Variants in NECTIN1 observed in about 807,000 individuals in gnomAD.
NECTIN1 encodes the protein nectin cell adhesion molecule 1.
In NECTIN1, 23 loss-of-function variants were observed where a neutral mutation model predicts 48.0. The observed-to-expected ratio is 0.48, with a 90% CI of 0.34 to 0.68. NECTIN1 has a LOEUF of 0.68. Among genes scored for constraint, NECTIN1 ranks in the 30% least tolerant of loss-of-function variants. NECTIN1 has a pLI of 0.01. For missense variants in NECTIN1, 591 were observed against 709.9 expected, an observed-to-expected ratio of 0.83 and a Z score of 1.90; for synonymous variants, 270 against 288.9, an observed-to-expected ratio of 0.93 and a Z score of 0.66.
chr11:119,694,816 G>A (rs1865314169), intron 1 of NECTIN1, among the ~76,000 whole-genome samples: 2 of 152,134 alleles, frequency 1.3e-5, no homozygotes, highest in Non-Finnish European at 2.9e-5. Context: ...CAGGTGTCCT[G>A]CTGCCCCCCC....
chr11:119,639,986 C>T, exon 6 of NECTIN1: 3 of 1,613,768 alleles, frequency 1.9e-6, no homozygotes, highest in Non-Finnish European at 2.5e-6. Flanking sequence ...GCTGCACTTC[C>T]CAGACCCCTC....
chr11:119,699,121 C>A (rs1425719050), intron 1 of NECTIN1, among the ~76,000 whole-genome samples: 2 of 152,192 alleles, frequency 1.3e-5, no homozygotes, highest in Non-Finnish European at 2.9e-5. Flanking sequence ...CTGCAAAGAG[C>A]TAGGATCATC....
chr11:119,660,951 C>G, downstream of NECTIN1: 1 of 923,072 alleles, frequency 1.1e-6, no homozygotes, highest in Non-Finnish European at 1.3e-6. Context: ...CTTCCCCGCC[C>G]CCACTGCCAT....
intron 1 of NECTIN1, among the ~76,000 whole-genome samples, chr11:119,691,829 G>T (rs921125580): frequency 6.6e-6 from 1 of 152,160 alleles, no homozygotes; most frequent in Non-Finnish European, 1.5e-5. Flanking sequence ...GAGCCCTCCT[G>T]CCTGGCCTGC....
intron 1 of NECTIN1, among the ~76,000 whole-genome samples, chr11:119,694,038 C>G (rs1272541617): frequency 6.6e-6 from 1 of 152,166 alleles, no homozygotes; most frequent in African/African-American, 2.4e-5. Context: ...GTCAAAGGGA[C>G]AGGGAACTCA....
chr11:119,663,305 G>T lies in NECTIN1; in HGVS notation c.*1442C>A. The T allele has an allele frequency of 7.1e-6, 7 of 985,534 alleles. No individual in the cohort carries two copies. Among genetic ancestry groups the T allele is most frequent in the Non-Finnish European group, 8.4e-6 (7 of 830,004 alleles). The allele number at this position is 985,534 out of a possible 1,614,324, so 61.0% of individuals were successfully genotyped here. On this transcript the variant is annotated 3_prime_UTR_variant, in exon 6 of 6. Transcript: ENST00000264025. ...GGCACTTTGAGCTGGGGGACTGAGA[G>T]GGCTGGGAGGGGTCTTCCTCCATTA...
In NECTIN1 at chr11:119,664,067, G is replaced by C. The variant is rs1252578858; in HGVS notation, c.*680C>G. The C allele has an allele frequency of 5.1e-6, 5 of 985,576 alleles. No homozygotes were observed. The highest frequency in any genetic ancestry group is 6.0e-6 in the Non-Finnish European group (5 of 830,134). The allele number at this position is 985,576 out of a possible 1,614,324, so 61.1% of individuals were successfully genotyped here. On this transcript the variant is annotated 3_prime_UTR_variant, in exon 6 of 6. Transcript: ENST00000264025. ...TAAAGAGGGGACGCGTCAGAGCTAGGCCAACTCCACTCTCTGTGGGCCAAT... is the reference window on the plus strand; with the variant it reads ...TAAAGAGGGGACGCGTCAGAGCTAGCCCAACTCCACTCTCTGTGGGCCAAT...
Position 119,678,414 on chromosome 11 carries a change from C to A in NECTIN1, c.430+1G>T, listed in dbSNP as rs1173185243. On this transcript the variant is annotated splice_donor_variant, in intron 2 of 5. Transcript: ENST00000264025. LOFTEE classifies it high-confidence loss of function. This position sits in a 1 kb window ranked among gnomAD's most constrained non-coding sequence, Gnocchi z 4.4. ...CAGGGAGGGGGCCCAGGGCAGCTTA[C>A]CCATCACCGTGAGATTGAGCTGGCT... The A allele has an allele frequency of 1.9e-6, 3 of 1,613,606 alleles. No homozygotes were observed. The highest frequency in any genetic ancestry group is 1.7e-5 in the Admixed American group (1 of 60,008).
At chr11:119,716,262 C>CAAA (rs1865741600) in intron 1 of NECTIN1, among the ~76,000 whole-genome samples, 1 of 152,132 alleles carries the variant, frequency 6.6e-6, no homozygotes, top group African/African-American at 2.4e-5. Context: ...CGTTCTGGGG[C>CAAA]ACACACAGCC....
chr11:119,700,065 G>A (rs1247273206), intron 1 of NECTIN1, among the ~76,000 whole-genome samples: 2 of 152,208 alleles, frequency 1.3e-5, no homozygotes, highest in Non-Finnish European at 2.9e-5. Flanking sequence ...AGCGACAACC[G>A]TGTTCATGAT....
At chr11:119,700,100 T>C (rs1164141915) in intron 1 of NECTIN1, among the ~76,000 whole-genome samples, 1 of 152,178 alleles carries the variant, frequency 6.6e-6, no homozygotes, top group East Asian at 1.9e-4. Context: ...CAGGACTCTA[T>C]GTCTCCTGCT....
At chr11:119,639,801 G>T in intron 6 of NECTIN1, 1 of 1,605,648 alleles carries the variant, frequency 6.2e-7, no homozygotes. Flanking sequence ...TTAAGTCTGG[G>T]GCTCCCAGGG....
chr11:119,680,550 T>C (rs1350497054), intron 1 of NECTIN1, among the ~76,000 whole-genome samples: 1 of 152,218 alleles, frequency 6.6e-6, no homozygotes, highest in Non-Finnish European at 1.5e-5. Context: ...CCATGGTCAG[T>C]GCAGTAAGTT....
chr11:119,693,233 C>T (rs1865291034), intron 1 of NECTIN1, among the ~76,000 whole-genome samples: 1 of 152,244 alleles, frequency 6.6e-6, no homozygotes, highest in Admixed American at 6.5e-5. Flanking sequence ...CTCTCTCTCT[C>T]TGCCCCTCAG....
chr11:119,667,945 T>C (rs1225060138), intron 5 of NECTIN1, among the ~76,000 whole-genome samples: 3 of 152,190 alleles, frequency 2.0e-5, no homozygotes, highest in African/African-American at 4.8e-5. Flanking sequence ...GGGGTCGAGA[T>C]GTTGGCTTAG....
Position 119,727,954 on chromosome 11 carries a change from G to A in NECTIN1, c.79+521C>T, listed in dbSNP as rs1441224773. ...CCGCAGCAGCCGACTCTCCGCGCCCGCTGTGGGGCGGTGTGGGGCGGGAGG... is the reference window on the plus strand; with the variant it reads ...CCGCAGCAGCCGACTCTCCGCGCCCACTGTGGGGCGGTGTGGGGCGGGAGG... On this transcript the variant is annotated intron_variant, in intron 1 of 5. Transcript: ENST00000264025. This position sits in a 1 kb window ranked among gnomAD's most constrained non-coding sequence, Gnocchi z 4.1. 6.6e-6 allele frequency among the ~76,000 whole-genome samples: 1 copy of A among 152,166 alleles called. No individual in the cohort carries two copies. The highest frequency in any genetic ancestry group is 1.5e-5 in the Non-Finnish European group (1 of 68,020).
Position 119,663,778 on chromosome 11 carries a change from G to A in NECTIN1, c.*969C>T. 5.1e-6 allele frequency: 5 copies of A among 985,490 alleles called. No individual in the cohort carries two copies. Among genetic ancestry groups the A allele is most frequent in the Non-Finnish European group, 6.0e-6 (5 of 829,970 alleles). The allele number at this position is 985,490 out of a possible 1,614,324, so 61.0% of individuals were successfully genotyped here. A position where few individuals can be genotyped will look rare whatever the true frequency, so the allele number is the denominator to read the frequency against. On this transcript the variant is annotated 3_prime_UTR_variant, in exon 6 of 6. Coordinates refer to ENST00000264025, the MANE Select transcript of NECTIN1 (RefSeq NM_002855.5). Reference sequence around the variant, plus strand: ...TGGGGCAGGCCTGAGATCCTAGGGTGGAGGCACCGGGGACCCAGTCTCAGC... The same window carrying A: ...TGGGGCAGGCCTGAGATCCTAGGGTAGAGGCACCGGGGACCCAGTCTCAGC...
chr11:119,670,998 A>G (rs1864854554), intron 5 of NECTIN1, among the ~76,000 whole-genome samples: 1 of 151,940 alleles, frequency 6.6e-6, no homozygotes, highest in Non-Finnish European at 1.5e-5. Flanking sequence ...TTGGGACCAA[A>G]GAACCCCGGT....
intron 6 of NECTIN1, chr11:119,638,931 C>T: frequency 2.3e-6 from 2 of 851,202 alleles, no homozygotes; most frequent in Non-Finnish European, 3.8e-6. Flanking sequence ...CTCTGCTTCC[C>T]AGGCAGCCTC....
Sources: gnomAD v4.1 joint callset for allele counts (sites outside exome capture counted in the v4.1 genomes callset) on GRCh38, gnomAD v4.1.1 for gene constraint, Gnocchi (gnomAD v3.1) non-coding constraint, MANE v1.5 for transcripts, NCBI Gene and HGNC (gene_info 2026-07-23, HGNC 2026-07-21) for gene names.